CDH23: variants seen among roughly 807,000 people sequenced by gnomAD.
The protein encoded by CDH23 is cadherin related 23.
CDH23 carries 189 observed loss-of-function variants against 317.1 expected under a neutral mutation model. The observed-to-expected ratio is 0.60, with a 90% CI of 0.53 to 0.67. The LOEUF (loss-of-function observed/expected upper bound fraction) is 0.67, where lower values mean the gene tolerates loss of function less well. CDH23 is among the 30% of genes least tolerant of loss of function. The pLI is 0.00. For missense variants in CDH23, 4,401 were observed against 4,592.4 expected, an observed-to-expected ratio of 0.96 and a Z score of 1.20; for synonymous variants, 1,839 against 1,876.8, an observed-to-expected ratio of 0.98 and a Z score of 0.52.
intron 6 of CDH23, among the ~76,000 whole-genome samples, chr10:71,527,004 C>T (rs1202739799): frequency 6.6e-6 from 1 of 152,210 alleles, no homozygotes; most frequent in African/African-American, 2.4e-5. Flanking sequence ...GATGACAGAC[C>T]ATTGTGAGAG....
chr10:71,738,186 A>T (rs1839621678), intron 34 of CDH23, among the ~76,000 whole-genome samples: 1 of 152,154 alleles, frequency 6.6e-6, no homozygotes. Context: ...CATCCACTTT[A>T]GCCATGGCCT....
chr10:71,725,049 A>T (rs1220113667), intron 29 of CDH23, among the ~76,000 whole-genome samples: 1 of 152,122 alleles, frequency 6.6e-6, no homozygotes, highest in Non-Finnish European at 1.5e-5. Context: ...CACTACCCAC[A>T]TCTGTGGGTG....
intron 14 of CDH23, among the ~76,000 whole-genome samples, chr10:71,650,114 G>T (rs545085930): frequency 1.8e-4 from 28 of 152,336 alleles, no homozygotes; most frequent in Non-Finnish European, 2.6e-4. Flanking sequence ...AGGTCCCAGG[G>T]TCGCTCCAGG....
chr10:71,725,251 G>T (rs1866752484), intron 29 of CDH23, 121 bp from the exon 30 acceptor site: 1 of 1,510,288 alleles, frequency 6.6e-7, no homozygotes, highest in Non-Finnish European at 9.2e-7. Context: ...TGTCCCAGAA[G>T]ACCCGCAGCC....
chr10:71,505,389 G>A (rs1167663317), intron 3 of CDH23, among the ~76,000 whole-genome samples: 2 of 152,204 alleles, frequency 1.3e-5, no homozygotes, highest in Admixed American at 6.5e-5. Context: ...ACTTTTAGGA[G>A]GGTTCTAACA....
intron 48 of CDH23, chr10:71,795,775 G>A (rs1436274051): frequency 1.0e-6 from 1 of 979,332 alleles, no homozygotes. Flanking sequence ...CTCCATCCCT[G>A]CTGCACCCTG....
At chr10:71,541,866 T>G (rs1374786995) in intron 6 of CDH23, among the ~76,000 whole-genome samples, 1 of 152,240 alleles carries the variant, frequency 6.6e-6, no homozygotes, top group Non-Finnish European at 1.5e-5. Context: ...TTGAATTTTA[T>G]ATAACTTTTA....
rs148988648 is a variant in CDH23 at position 71,654,217 on chromosome 10, G to T, written c.1449+7600G>T. On this transcript the variant is annotated intron_variant, in intron 14 of 69. Coordinates refer to ENST00000224721, the MANE Select transcript of CDH23 (RefSeq NM_022124.6). The stretch of plus-strand genomic sequence containing the variant: ...ACTCGGAAGGGCCCCAAACTTGGTG[G>T]AATGCTCTGCTGTCACCATCTTGAA... Among the ~76,000 whole-genome samples the T allele has an allele frequency of 6.5e-3, 983 of 152,328 alleles. 6 individuals are homozygous for T. The highest frequency in any genetic ancestry group is 0.023 in the African/African-American group (937 of 41,554).
chr10:71,806,085 C>A, intron 56 of CDH23, 83 bp from the exon 57 acceptor site: 1 of 1,532,110 alleles, frequency 6.5e-7, no homozygotes. Flanking sequence ...CTGGAAAGTC[C>A]CTAGGGGAAC....
At position 71,773,790 on chromosome 10, in the gene CDH23, T is replaced by C. The variant is rs113189214; in HGVS notation, c.4846-3890T>C. 5.1e-3 allele frequency among the ~76,000 whole-genome samples: 779 copies of C among 152,272 alleles called. 7 individuals carry two copies. The highest frequency in any genetic ancestry group is 0.018 in the African/African-American group (743 of 41,550). ...ATTGCTGCGCAGCCTAAGAAGTAGA[T>C]CTACCTCTAACAGCGTGATAGACGT... On this transcript the variant is annotated intron_variant, in intron 38 of 69. Coordinates refer to ENST00000224721, the MANE Select transcript of CDH23 (RefSeq NM_022124.6).
intron 3 of CDH23, 114 bp from the exon 4 acceptor site, chr10:71,509,968 G>A: frequency 8.3e-7 from 1 of 1,208,498 alleles, no homozygotes; most frequent in Admixed American, 1.8e-5. Context: ...GTGGCCTGCT[G>A]GAGGATTGCT....
chr10:71,706,777 A>G, intron 25 of CDH23, 120 bp from the exon 26 acceptor site: 1 of 1,462,712 alleles, frequency 6.8e-7, no homozygotes, highest in Non-Finnish European at 9.1e-7. Context: ...TGCCACTTGG[A>G]GCCCGTGACT....
At chr10:71,700,883 T>G (rs887815985) in intron 22 of CDH23, among the ~76,000 whole-genome samples, 8 of 152,200 alleles carry the variant, frequency 5.3e-5, no homozygotes, top group Admixed American at 3.3e-4. Context: ...CACCTCTGGC[T>G]GGGGATTAAG....
chr10:71,587,830 A>C (rs1366818322), intron 9 of CDH23, among the ~76,000 whole-genome samples: 1 of 152,238 alleles, frequency 6.6e-6, no homozygotes, highest in Non-Finnish European at 1.5e-5. Flanking sequence ...GGCTAATCTG[A>C]AATAAAAGTT....
In CDH23 at chr10:71,694,203, A is replaced by T; in HGVS notation, c.2233A>T (p.Ile745Phe). Residue 745 changes from isoleucine (I) to phenylalanine (F), a missense_variant, in exon 21 of 70, where the codon ATC (isoleucine) becomes TTC (phenylalanine). By Grantham distance (21) the Ile-to-Phe change is conservative. Coordinates refer to ENST00000224721, the MANE Select transcript of CDH23 (RefSeq NM_022124.6). ...AGAGACCAAGTCTGAATACATCCTCATCGTTCGCGCAGTGGACGGGGGTGT... is the reference window on the plus strand; with the variant it reads ...AGAGACCAAGTCTGAATACATCCTCTTCGTTCGCGCAGTGGACGGGGGTGT... ...DRETKSEYIL[I>F]VRAVDGGVGH... The T allele has an allele frequency of 6.2e-7, 1 of 1,613,666 alleles. No individual in the cohort carries two copies. Among genetic ancestry groups the T allele is most frequent in the South Asian group, 1.1e-5 (1 of 91,064 alleles).
At chr10:71,782,186 A>G (rs1371122480) in intron 41 of CDH23, among the ~76,000 whole-genome samples, 2 of 152,196 alleles carry the variant, frequency 1.3e-5, no homozygotes, top group Non-Finnish European at 2.9e-5. Flanking sequence ...GCTGGGAGAC[A>G]GGCCACATGC....
At chr10:71,569,837 C>A (rs2132371281) in intron 7 of CDH23, among the ~76,000 whole-genome samples, 1 of 152,214 alleles carries the variant, frequency 6.6e-6, no homozygotes, top group East Asian at 1.9e-4. Context: ...TTGCAGCAGG[C>A]TACTTAAACA....
chr10:71,722,567 CA>C (rs1376867122), intron 28 of CDH23, among the ~76,000 whole-genome samples: 2 of 152,288 alleles, frequency 1.3e-5, no homozygotes, highest in African/African-American at 4.8e-5. Context: ...TCGCAGTGCA[CA>C]AAGCCCTTTC....
At chr10:71,591,416 A>G (rs1859484604) in intron 9 of CDH23, among the ~76,000 whole-genome samples, 1 of 152,074 alleles carries the variant, frequency 6.6e-6, no homozygotes, top group African/African-American at 2.4e-5. Flanking sequence ...CACCTCTTCA[A>G]CTGGGCTCGT....
Sources: allele counts gnomAD v4.1 joint callset (sites outside exome capture counted in the v4.1 genomes callset), GRCh38; gene constraint gnomAD v4.1.1; transcripts MANE v1.5; gene names NCBI Gene and HGNC (gene_info 2026-07-23, HGNC 2026-07-21).